PIGQ: variants seen among roughly 807,000 people sequenced by gnomAD.
PIGQ encodes phosphatidylinositol glycan anchor biosynthesis class Q, also known as phosphatidylinositol N-acetylglucosaminyltransferase subunit Q.
PIGQ carries 54 observed loss-of-function variants against 60.3 expected under a neutral mutation model. That is an observed-to-expected ratio of 0.90 (90% CI 0.72 to 1.12). The LOEUF (loss-of-function observed/expected upper bound fraction) is 1.12, where lower values mean the gene tolerates loss of function less well. Among genes scored for constraint, PIGQ ranks in the 50% most tolerant of loss-of-function variants. The probability of loss-of-function intolerance (pLI) is 0.00; values close to 1 mark genes in which losing one functional copy is unlikely to be tolerated. For missense variants in PIGQ, 799 were observed against 793.5 expected, an observed-to-expected ratio of 1.01 and a Z score of -0.08; for synonymous variants, 416 against 363.7, an observed-to-expected ratio of 1.14 and a Z score of -1.64.
At chr16:572,052 G>A (rs1467097837) in intron 1 of PIGQ, among the ~76,000 whole-genome samples, 1 of 152,158 alleles carries the variant, frequency 6.6e-6, no homozygotes, top group Non-Finnish European at 1.5e-5. Flanking sequence ...GACCCATTGT[G>A]TTTCTTTTCC....
Position 574,347 on chromosome 16 carries a change from G to T in PIGQ, c.273G>T (p.Glu91Asp), listed in dbSNP as rs1276361454. The change falls in exon 2 of 11, where the codon GAG becomes GAT. Residue 91 changes from glutamate (E) to aspartate (D), a missense_variant. Glu to Asp is a conservative substitution (Grantham distance 45, BLOSUM62 2). Transcript: ENST00000321878. ...GCCTGGGTGCTGTCTTCCCCCATGA[G>T]CCCTGGCTGCGGCTGTGCCGGGAGA... ...LESLGAVFPH[E>D]PWLRLCRERG... 1 of 1,609,328 alleles carries T rather than the reference G, an allele frequency of 6.2e-7. No individual in the cohort carries two copies. The highest frequency in any genetic ancestry group is 1.7e-5 in the Admixed American group (1 of 59,808).
intron 6 of PIGQ, 48 bp downstream of exon 6, chr16:578,986 G>A (rs765334295): frequency 3.8e-6 from 6 of 1,558,682 alleles, no homozygotes; most frequent in East Asian, 2.4e-5. Flanking sequence ...AGGTGCAGAG[G>A]CTCCGGCTGG....
rs550780104 is a variant in PIGQ at position 572,065 on chromosome 16, C to T, written c.-10+1969C>T. Among the ~76,000 whole-genome samples, 3 of 152,264 alleles carry T rather than the reference C, an allele frequency of 2.0e-5. No homozygotes were observed. In the East Asian group the frequency reaches 5.8e-4, roughly 29 times the overall value. Reference sequence around the variant, plus strand: ...TAGACCCATTGTGTTTCTTTTCCGACGATATCTGTGGGCAGTTTTCCTTAG... The same window carrying T: ...TAGACCCATTGTGTTTCTTTTCCGATGATATCTGTGGGCAGTTTTCCTTAG... On this transcript the variant is annotated intron_variant, in intron 1 of 10. Transcript: ENST00000321878.
chr16:582,324 G>A lies in PIGQ; in HGVS notation c.1593+15G>A, dbSNP rs1187232808. 1 of 1,581,900 alleles carries A rather than the reference G, an allele frequency of 6.3e-7. No individual in the cohort carries two copies. The highest frequency in any genetic ancestry group is 1.7e-5 in the Admixed American group (1 of 58,518). On this transcript the variant is annotated intron_variant, in intron 10 of 10. Coordinates refer to ENST00000321878, the MANE Select transcript of PIGQ (RefSeq NM_004204.5). Reference sequence around the variant, plus strand: ...TCCTGATGCAGGTGAGGCCCCTTGTGGCCAGGACGCCCCTACGCTGCTGCC... The same window carrying A: ...TCCTGATGCAGGTGAGGCCCCTTGTAGCCAGGACGCCCCTACGCTGCTGCC...
rs2035766325 is a variant in PIGQ, at chr16:578,930, T to C, written c.1215T>C (p.Tyr405=). ...LTFHIYCFYV[Y]GARLYCLKIH... ...TCCACATCTACTGCTTTTACGTCTA[T>C]GGAGCCAGGTGGGCGTGGGCTTCCC... The change falls in exon 6 of 11, where the codon TAT becomes TAC. Residue 405 remains tyrosine (Y), a synonymous_variant. Transcript: ENST00000321878. 6.2e-7 allele frequency: 1 copy of C among 1,609,570 alleles called. No individual in the cohort carries two copies. The highest frequency in any genetic ancestry group is 8.5e-7 in the Non-Finnish European group (1 of 1,178,940).
chr16:576,137 G>A lies in PIGQ; in HGVS notation c.825G>A (p.Lys275=). ...KAENPAQLMR[K]ANTVASVLLD... is the part of the protein sequence containing the mutation. Reference sequence around the variant, plus strand: ...CCGGGCCGGACCTCCCTTCCAGGAAGGCCAACACGGTGGCCTCTGTGCTGC... The same window carrying A: ...CCGGGCCGGACCTCCCTTCCAGGAAAGCCAACACGGTGGCCTCTGTGCTGC... Residue 275 remains lysine, a synonymous_variant, in exon 4 of 11, where the codon AAG becomes AAA. Coordinates refer to ENST00000321878, the MANE Select transcript of PIGQ (RefSeq NM_004204.5). 1.3e-6 allele frequency: 2 copies of A among 1,548,300 alleles called. No homozygotes were observed. Among genetic ancestry groups the A allele is most frequent in the Non-Finnish European group, 8.7e-7 (1 of 1,146,776 alleles).
intron 8 of PIGQ, 181 bp downstream of exon 8, chr16:580,444 C>A (rs2035793200): frequency 1.8e-6 from 1 of 565,314 alleles, no homozygotes; most frequent in Non-Finnish European, 3.2e-6. Context: ...CCTATCCTGG[C>A]CAGTAAGACA....
At chr16:573,808 G>A (rs1391802208) in intron 1 of PIGQ, among the ~76,000 whole-genome samples, 6 of 152,154 alleles carry the variant, frequency 3.9e-5, no homozygotes, top group African/African-American at 7.2e-5. Context: ...CTGCATGTGC[G>A]TCCTGCCTCG....
rs777873607 is a variant in PIGQ, at chr16:574,239, C to T, written c.165C>T (p.Ala55=). 19 of 1,610,478 alleles carry T rather than the reference C, an allele frequency of 1.2e-5. No homozygotes were observed. The South Asian group carries it at 1.9e-4, about 16-fold the overall frequency. Residue 55 remains alanine, a synonymous_variant, in exon 2 of 11, where the codon GCC becomes GCT. Transcript: ENST00000321878. The part of the protein sequence containing the change: ...VKQLLAQVRQ[A]SQVGVAVLGT... Reference sequence around the variant, plus strand: ...AGCTCCTGGCCCAGGTGCGGCAGGCCAGCCAGGTGGGCGTGGCCGTGCTGG... The same window carrying T: ...AGCTCCTGGCCCAGGTGCGGCAGGCTAGCCAGGTGGGCGTGGCCGTGCTGG...
chr16:576,461 C>T (rs1295549420), intron 4 of PIGQ: 7 of 635,876 alleles, frequency 1.1e-5, no homozygotes, highest in South Asian at 5.9e-5. Flanking sequence ...GTACACCCCC[C>T]TTTCCTTCTG....
At chr16:577,760 G>A (rs2151046656) in intron 4 of PIGQ, 1 of 152,584 alleles carries the variant, frequency 6.6e-6, no homozygotes, top group Admixed American at 6.5e-5. Context: ...CACAGCCTCT[G>A]GATGCTGAGT....
In PIGQ at chr16:574,051, CCTCTT is replaced by C. The variant is rs776128748; in HGVS notation, c.-9-8_-9-4del. The C allele has an allele frequency of 1.7e-4, 269 of 1,563,728 alleles. No homozygotes were observed. Among genetic ancestry groups the C allele is most frequent in the Admixed American group, 2.8e-4 (16 of 58,176 alleles). On this transcript the variant is annotated splice_polypyrimidine_tract_variant and intron_variant, in intron 1 of 10. Transcript: ENST00000321878. ...AGCAGCAGCTCTGAGCCGAGCCTCT[CCTCTT>C]CTCTTCCAGCCTCCCGGCATGGTGC...
chr16:579,992 G>C, intron 7 of PIGQ, 191 bp from the exon 8 acceptor site: 1 of 476,958 alleles, frequency 2.1e-6, no homozygotes, highest in Non-Finnish European at 3.7e-6. Flanking sequence ...CTCCCTGCGA[G>C]TCCCCTAGTC....
At position 574,143 on chromosome 16, in the gene PIGQ, G is replaced by C; in HGVS notation, c.69G>C (p.Trp23Cys). The part of the protein sequence containing the change: ...STDSGLLVGR[W>C]VPEQSSAVVL... The stretch of plus-strand genomic sequence containing the variant: ...ACAGCGGGCTGCTGGTGGGACGGTG[G>C]GTGCCGGAGCAGAGCAGCGCCGTGG... The change falls in exon 2 of 11, where the codon TGG (tryptophan) becomes TGC (cysteine). Residue 23 changes from tryptophan to cysteine, a missense_variant. Coordinates refer to ENST00000321878, the MANE Select transcript of PIGQ (RefSeq NM_004204.5). The C allele has an allele frequency of 6.2e-7, 1 of 1,612,198 alleles. No homozygotes were observed. Among genetic ancestry groups the C allele is most frequent in the Non-Finnish European group, 8.5e-7 (1 of 1,179,692 alleles).
rs375806630 is a variant in PIGQ at position 574,677 on chromosome 16, C to T, written c.603C>T (p.Leu201=). 20 of 1,606,056 alleles carry T rather than the reference C, an allele frequency of 1.2e-5. No individual in the cohort carries two copies. The African/African-American group carries it at 1.6e-4, about 13-fold the overall frequency. ...CGGAGGGCGTGGAGGCCAGCATCCTCGCGGAGCTGGCCAGGCGAGCCTCGG... is the reference window on the plus strand; with the variant it reads ...CGGAGGGCGTGGAGGCCAGCATCCTTGCGGAGCTGGCCAGGCGAGCCTCGG... The part of the protein sequence containing the change: ...WQSEGVEASI[L]AELARRASGP... Residue 201 remains leucine (L), a synonymous_variant, in exon 2 of 11, where the codon CTC becomes CTT. Transcript: ENST00000321878.
rs369448808 is a variant in PIGQ at position 583,465 on chromosome 16, A to G, written c.*430A>G. On this transcript the variant is annotated 3_prime_UTR_variant, in exon 11 of 11. Coordinates refer to ENST00000321878, the MANE Select transcript of PIGQ (RefSeq NM_004204.5). ...GCTGTGGGGGTGGAGGGACCTTGCC[A>G]GGATGAACCCCCCAGTCCCAGGCAC... 6 of 1,612,618 alleles carry G rather than the reference A, an allele frequency of 3.7e-6. No homozygotes were observed. Among genetic ancestry groups the G allele is most frequent in the East Asian group, 4.5e-5 (2 of 44,856 alleles).
chr16:576,512 G>T (rs1338527947), intron 4 of PIGQ: 11 of 571,166 alleles, frequency 1.9e-5, no homozygotes, highest in Non-Finnish European at 3.4e-5. Flanking sequence ...GAGGCTCTGG[G>T]GAGCCCGCCT....
At chr16:578,573 G>C in intron 5 of PIGQ, 68 bp downstream of exon 5, 1 of 1,547,930 alleles carries the variant, frequency 6.5e-7, no homozygotes, top group East Asian at 2.3e-5. Flanking sequence ...GACCCAGCCA[G>C]ACCCCGCCCC....
At chr16:573,821 C>T (rs1168004864) in intron 1 of PIGQ, among the ~76,000 whole-genome samples, 1 of 152,166 alleles carries the variant, frequency 6.6e-6, no homozygotes, top group Non-Finnish European at 1.5e-5. Flanking sequence ...CTGCCTCGTG[C>T]GGGTGGGGCT....
Sources: gnomAD v4.1 joint callset for allele counts (sites outside exome capture counted in the v4.1 genomes callset) on GRCh38, gnomAD v4.1.1 for gene constraint, MANE v1.5 for transcripts, NCBI Gene and HGNC (gene_info 2026-07-23, HGNC 2026-07-21) for gene names.